ZHX3: variants seen among roughly 807,000 people sequenced by gnomAD.
ZHX3 encodes the protein zinc fingers and homeoboxes 3.
ZHX3 carries 20 observed loss-of-function variants against 64.5 expected under a neutral mutation model. That is an observed-to-expected ratio of 0.31 (90% CI 0.22 to 0.45). The LOEUF (loss-of-function observed/expected upper bound fraction) is 0.45. Ranked by LOEUF, ZHX3 falls within the 20% of genes least tolerant of loss-of-function variation. The probability of loss-of-function intolerance (pLI) is 1.00; values close to 1 mark genes in which losing one functional copy is unlikely to be tolerated. For missense variants in ZHX3, 1,041 were observed against 1,195.8 expected (o/e 0.87, Z 1.91); for synonymous variants, 423 against 461.6 (o/e 0.92, Z 1.07).
chr20:41,184,901 A>C lies in ZHX3; in HGVS notation c.*290T>G. The C allele has an allele frequency of 6.5e-7, 1 of 1,529,120 alleles. No homozygotes were observed. Among genetic ancestry groups the C allele is most frequent in the Non-Finnish European group, 8.8e-7 (1 of 1,140,740 alleles). 94.7% of individuals were successfully genotyped at this position (1,529,120 alleles called of 1,614,324 possible). A position where few individuals can be genotyped will look rare whatever the true frequency, so the allele number is the denominator to read the frequency against. ...TAAAAGCTTGATTCTGTGTCTATGA[A>C]TATGACTATGAACTCTGAACTATTT... On this transcript the variant is annotated 3_prime_UTR_variant, in exon 4 of 4. Transcript: ENST00000683867.
At position 41,200,451 on chromosome 20, in the gene ZHX3, G is replaced by A. The variant is rs1368746650; in HGVS notation, c.2860+1606C>T. ...ACTTGTAGGAGAGACTACCTGCTCT[G>A]CATTATAAAAAAGTTAAACTAGCCA... On this transcript the variant is annotated intron_variant, in intron 3 of 3. Transcript: ENST00000683867. The surrounding 1 kb of genome is among the most constrained non-coding windows in gnomAD (Gnocchi z 4.2). Among the ~76,000 whole-genome samples the A allele has an allele frequency of 6.6e-6, 1 of 152,176 alleles. No homozygotes were observed. Among genetic ancestry groups the A allele is most frequent in the Non-Finnish European group, 1.5e-5 (1 of 68,036 alleles).
intron 3 of ZHX3, among the ~76,000 whole-genome samples, chr20:41,196,173 G>A (rs374472912): frequency 2.7e-5 from 4 of 146,294 alleles, no homozygotes; most frequent in African/African-American, 5.1e-5. Flanking sequence ...ATCCATTATC[G>A]GACATGGAAT....
chr20:41,301,447 G>C (rs2044800293), intron 1 of ZHX3, among the ~76,000 whole-genome samples: 1 of 152,136 alleles, frequency 6.6e-6, no homozygotes, highest in Non-Finnish European at 1.5e-5. Flanking sequence ...TTGCGCTCCA[G>C]TATCTTCTCA....
At chr20:41,220,660 C>A (rs1486069179) in intron 2 of ZHX3, among the ~76,000 whole-genome samples, 2 of 151,716 alleles carry the variant, frequency 1.3e-5, no homozygotes, top group African/African-American at 4.8e-5. Context: ...CTATATGATA[C>A]AGTTTTTTTT....
chr20:41,230,232 C>T (rs1173836363), intron 2 of ZHX3, among the ~76,000 whole-genome samples: 1 of 151,882 alleles, frequency 6.6e-6, no homozygotes, highest in Non-Finnish European at 1.5e-5. Context: ...CCATAGGACA[C>T]TTATCACGTA....
At chr20:41,261,078 A>G (rs1250660654) in intron 2 of ZHX3, among the ~76,000 whole-genome samples, 1 of 152,230 alleles carries the variant, frequency 6.6e-6, no homozygotes, top group African/African-American at 2.4e-5. Flanking sequence ...GACCTGAAAG[A>G]AGAAACAAGA....
At chr20:41,205,327 A>G (rs1314400553) in intron 2 of ZHX3, among the ~76,000 whole-genome samples, 1 of 152,174 alleles carries the variant, frequency 6.6e-6, no homozygotes, top group Non-Finnish European at 1.5e-5. Context: ...CACCCCCTAC[A>G]TATCCCTGCA....
In ZHX3 at chr20:41,234,895, A is replaced by C. The variant is rs374383001; in HGVS notation, c.-150-29829T>G. 5.1e-4 allele frequency among the ~76,000 whole-genome samples: 77 copies of C among 152,318 alleles called. 1 individual carries two copies. Among genetic ancestry groups the C allele is most frequent in the East Asian group, 4.8e-3 (25 of 5,184 alleles). ...CTTTGTCACTGCTGACATGAAATAC[A>C]AGAGTTGGTAAGTTTCTTTGGTTTT... On this transcript the variant is annotated intron_variant, in intron 2 of 3. Coordinates refer to ENST00000683867, the MANE Select transcript of ZHX3 (RefSeq NM_001384317.1).
chr20:41,309,733 C>T (rs925218223), intron 1 of ZHX3, among the ~76,000 whole-genome samples: 2 of 152,180 alleles, frequency 1.3e-5, no homozygotes, highest in East Asian at 1.9e-4. Context: ...ACCCCATTTG[C>T]TGAAGATTCG....
At chr20:41,256,391 G>A (rs1230897120) in intron 2 of ZHX3, among the ~76,000 whole-genome samples, 1 of 151,958 alleles carries the variant, frequency 6.6e-6, no homozygotes, top group Non-Finnish European at 1.5e-5. Flanking sequence ...TTCATTAAGA[G>A]ACTATTCAGT....
intron 1 of ZHX3, among the ~76,000 whole-genome samples, chr20:41,273,925 C>G (rs1374880266): frequency 6.6e-6 from 1 of 152,136 alleles, no homozygotes; most frequent in Non-Finnish European, 1.5e-5. Flanking sequence ...CTTTACATCA[C>G]TTTGAGTAGT....
At chr20:41,239,251 C>T (rs979936463) in intron 2 of ZHX3, among the ~76,000 whole-genome samples, 3 of 151,842 alleles carry the variant, frequency 2.0e-5, no homozygotes, top group African/African-American at 4.8e-5. Flanking sequence ...CCTCGTGATC[C>T]GCCCGCCTCG....
chr20:41,232,290 TA>T lies in ZHX3; in HGVS notation c.-150-27225del, dbSNP rs78969599. On this transcript the variant is annotated intron_variant, in intron 2 of 3. Coordinates refer to ENST00000683867, the MANE Select transcript of ZHX3 (RefSeq NM_001384317.1). The surrounding 1 kb of genome is among the most constrained non-coding windows in gnomAD (Gnocchi z 5.0). The stretch of plus-strand genomic sequence containing the variant: ...TTGAAAATGGACTTACGCTGCAGCA[TA>T]AAAAAAAAAAAAAGGTCTAGTTTTA... Among the ~76,000 whole-genome samples the T allele has an allele frequency of 9.3e-3, 1,149 of 123,050 alleles. 1 individual carries two copies. The highest frequency in any genetic ancestry group is 0.012 in the African/African-American group (388 of 32,892). The allele number at this position is 123,050 out of a possible 152,430, so 80.7% of individuals were successfully genotyped here. A position where few individuals can be genotyped will look rare whatever the true frequency, so the allele number is the denominator to read the frequency against.
intron 2 of ZHX3, among the ~76,000 whole-genome samples, chr20:41,263,394 A>C (rs2042660440): frequency 8.6e-6 from 1 of 116,918 alleles, no homozygotes; most frequent in Non-Finnish European, 1.7e-5. Context: ...GCATTAGAGG[A>C]ATTTTTTTTT....
intron 1 of ZHX3, among the ~76,000 whole-genome samples, chr20:41,272,777 A>G (rs1163176427): frequency 6.6e-6 from 1 of 152,164 alleles, no homozygotes; most frequent in East Asian, 1.9e-4. Flanking sequence ...CCATTCATTC[A>G]TTGATAGACA....
chr20:41,262,882 G>A (rs900294662), intron 2 of ZHX3, among the ~76,000 whole-genome samples: 5 of 152,118 alleles, frequency 3.3e-5, no homozygotes, highest in Admixed American at 2.6e-4. Context: ...CCAAAAAAGG[G>A]GCAAATTAAA....
intron 1 of ZHX3, 43 bp downstream of exon 1, chr20:41,317,466 C>CCGCGGGGGCA (rs974300035): frequency 6.6e-6 from 1 of 151,470 alleles, no homozygotes; most frequent in South Asian, 2.1e-4. Context: ...GGACTGACAG[C>CCGCGGGGGCA]CGCGGGGGCA....
At chr20:41,244,061 T>A (rs1267724406) in intron 2 of ZHX3, among the ~76,000 whole-genome samples, 1 of 152,088 alleles carries the variant, frequency 6.6e-6, no homozygotes, top group Non-Finnish European at 1.5e-5. Flanking sequence ...TGGGGGGCTG[T>A]CCTGTAAATT....
At chr20:41,188,350 G>GT (rs1185955349) in intron 3 of ZHX3, 1 of 150,048 alleles carries the variant, frequency 6.7e-6, no homozygotes, top group East Asian at 1.9e-4. Context: ...TTGGCCATGT[G>GT]TATGTCTTCT....
Sources: allele counts gnomAD v4.1 joint callset (sites outside exome capture counted in the v4.1 genomes callset), GRCh38; gene constraint gnomAD v4.1.1; non-coding constraint Gnocchi (gnomAD v3.1); transcripts MANE v1.5; gene names NCBI Gene and HGNC (gene_info 2026-07-23, HGNC 2026-07-21).